Variants in CDH13 observed in about 807,000 individuals in gnomAD.
The protein encoded by CDH13 is cadherin 13.
A neutral mutation model predicts 63.8 loss-of-function variants in CDH13; 24 were observed. The ratio of observed to expected loss-of-function variants is 0.38; its 90% CI spans 0.27 to 0.53. The LOEUF is 0.53. Ranked by LOEUF, CDH13 falls within the 20% of genes least tolerant of loss-of-function variation. CDH13 has a pLI of 0.85. For missense variants in CDH13, 1,049 were observed against 903.1 expected, an observed-to-expected ratio of 1.16 and a Z score of -2.07; for synonymous variants, 503 against 355.3, an observed-to-expected ratio of 1.42 and a Z score of -4.67.
In CDH13 at chr16:82,627,337, C is replaced by CGTGCGTGTGTGTGTGTGTGT. The variant is rs1555525839; in HGVS notation, c.45+203_45+204insCGTGTGTGTGTGTGTGTGTG. On this transcript the variant is annotated intron_variant, in intron 1 of 13. Transcript: ENST00000567109. ...ACACACAGGCTCCCACTCTGGCGTGCGTGTGTGTGTGTGTGTGTGTGTGTG... is the reference window on the plus strand; with the variant it reads ...ACACACAGGCTCCCACTCTGGCGTGCGTGCGTGTGTGTGTGTGTGTGTGTGTGTGTGTGTGTGTGTGTGTG... 5.2e-3 allele frequency among the ~76,000 whole-genome samples: 683 copies of CGTGCGTGTGTGTGTGTGTGT among 131,226 alleles called. 12 individuals are homozygous for CGTGCGTGTGTGTGTGTGTGT. The highest frequency in any genetic ancestry group is 6.7e-3 in the Non-Finnish European group (409 of 61,040). 86.1% of individuals were successfully genotyped at this position (131,226 alleles called of 152,430 possible).
chr16:83,479,488 C>G (rs553801776), intron 6 of CDH13, among the ~76,000 whole-genome samples: 173 of 152,276 alleles, frequency 1.1e-3, no homozygotes, highest in African/African-American at 3.9e-3. Context: ...AACCCCATCT[C>G]TACTAAAAAT....
chr16:83,232,467 G>C (rs1251762510), intron 5 of CDH13, among the ~76,000 whole-genome samples: 2 of 151,446 alleles, frequency 1.3e-5, no homozygotes, highest in Non-Finnish European at 2.9e-5. Context: ...AGAAGTTGCA[G>C]TGAGCCAAGA....
chr16:82,719,039 C>G (rs578199502), intron 1 of CDH13, among the ~76,000 whole-genome samples: 2 of 152,186 alleles, frequency 1.3e-5, no homozygotes, highest in Non-Finnish European at 2.9e-5. Flanking sequence ...ATCCTTCACA[C>G]TGAGGTCAAT....
rs115248149 is a variant in CDH13 at position 83,451,542 on chromosome 16, C to T, written c.782-34935C>T. Among the ~76,000 whole-genome samples, 1,298 of 152,256 alleles carry T rather than the reference C, an allele frequency of 8.5e-3. 24 individuals carry two copies. Among genetic ancestry groups the T allele is most frequent in the African/African-American group, 0.03 (1,258 of 41,534 alleles). On this transcript the variant is annotated intron_variant, in intron 6 of 13. Transcript: ENST00000567109. ...TGTTTTTGTTTTTGCTTTTTTGAGACAGGCTCTTCCGCTGTCATCCAGGCT... is the reference window on the plus strand; with the variant it reads ...TGTTTTTGTTTTTGCTTTTTTGAGATAGGCTCTTCCGCTGTCATCCAGGCT...
chr16:82,707,694 G>T (rs1016368662), intron 1 of CDH13, among the ~76,000 whole-genome samples: 1 of 152,122 alleles, frequency 6.6e-6, no homozygotes, highest in Non-Finnish European at 1.5e-5. Flanking sequence ...CCCTCTTTAA[G>T]CTTGATGTCT....
chr16:82,792,812 C>G (rs2036385094), intron 1 of CDH13, among the ~76,000 whole-genome samples: 1 of 152,238 alleles, frequency 6.6e-6, no homozygotes. Context: ...CAATGCCCAA[C>G]TGCATCCAGG....
chr16:83,741,426 C>T (rs1243235413), intron 10 of CDH13, among the ~76,000 whole-genome samples: 1 of 151,666 alleles, frequency 6.6e-6, no homozygotes, highest in Non-Finnish European at 1.5e-5. Flanking sequence ...CCTCTCCTTT[C>T]GTAGTTTTTA....
intron 2 of CDH13, among the ~76,000 whole-genome samples, chr16:82,975,710 A>C (rs1417683746): frequency 6.6e-6 from 1 of 152,188 alleles, no homozygotes; most frequent in East Asian, 1.9e-4. Context: ...TCCATTGCTG[A>C]CCTTGCTCTT....
chr16:83,477,294 T>G (rs2073630113), intron 6 of CDH13, among the ~76,000 whole-genome samples: 1 of 152,216 alleles, frequency 6.6e-6, no homozygotes, highest in Non-Finnish European at 1.5e-5. Flanking sequence ...AATTTGTACT[T>G]AAAAAACCAA....
At chr16:83,733,530 T>C (rs1395082100) in intron 10 of CDH13, among the ~76,000 whole-genome samples, 1 of 152,174 alleles carries the variant, frequency 6.6e-6, no homozygotes. Context: ...TTCACTGAGC[T>C]TCAAGTCATA....
Position 83,667,931 on chromosome 16 carries a change from A to G in CDH13, c.1102-2859A>G, listed in dbSNP as rs577371797. On this transcript the variant is annotated intron_variant, in intron 8 of 13. Transcript: ENST00000567109. ...TCCCACCTCAGCCTCCCAAAGAGCT[A>G]GGATTACAGTGTTAGAATACCATGC... Among the ~76,000 whole-genome samples the G allele has an allele frequency of 1.2e-4, 18 of 152,214 alleles. No individual in the cohort carries two copies. In the South Asian group the frequency reaches 3.5e-3, roughly 30 times the overall value.
At chr16:83,423,571 T>A (rs1409156043) in intron 6 of CDH13, among the ~76,000 whole-genome samples, 2 of 152,134 alleles carry the variant, frequency 1.3e-5, no homozygotes, top group African/African-American at 2.4e-5. Context: ...TTATAACTGA[T>A]TTTCAGGTTT....
chr16:83,143,400 A>T (rs1251982717), intron 4 of CDH13, among the ~76,000 whole-genome samples: 1 of 152,212 alleles, frequency 6.6e-6, no homozygotes, highest in Admixed American at 6.5e-5. Context: ...AAAACTCATT[A>T]TGTAACATAT....
chr16:83,760,823 T>G (rs1177024322), intron 11 of CDH13, among the ~76,000 whole-genome samples: 1 of 152,248 alleles, frequency 6.6e-6, no homozygotes, highest in Non-Finnish European at 1.5e-5. Flanking sequence ...TAGCTAGTCC[T>G]GTAACCATTC....
chr16:83,406,754 C>A (rs537354243), intron 6 of CDH13, among the ~76,000 whole-genome samples: 1 of 152,288 alleles, frequency 6.6e-6, no homozygotes, highest in South Asian at 2.1e-4. Flanking sequence ...GTGTGAGCTA[C>A]CACACCCAGC....
chr16:83,674,333 A>G (rs1445792846), intron 9 of CDH13, among the ~76,000 whole-genome samples: 1 of 152,220 alleles, frequency 6.6e-6, no homozygotes, highest in East Asian at 1.9e-4. Flanking sequence ...CCAAAGCCCC[A>G]GGCATCATAT....
At chr16:83,109,115 T>C (rs1199350276) in intron 3 of CDH13, among the ~76,000 whole-genome samples, 1 of 152,150 alleles carries the variant, frequency 6.6e-6, no homozygotes, top group Non-Finnish European at 1.5e-5. Flanking sequence ...TACTATCCAG[T>C]GGGCTCATGT....
chr16:82,970,548 C>T lies in CDH13; in HGVS notation c.158-61462C>T, dbSNP rs374297367. Among the ~76,000 whole-genome samples the T allele has an allele frequency of 2.0e-3, 272 of 138,734 alleles. 16 individuals carry two copies. The highest frequency in any genetic ancestry group is 6.5e-3 in the African/African-American group (258 of 39,722). The allele number at this position is 138,734 out of a possible 152,430, so 91.0% of individuals were successfully genotyped here. ...CCGAGTAGCTGGGACTACAGGCGCC[C>T]GCCACCGCGCCCGGCTAATTTTTTG... On this transcript the variant is annotated intron_variant, in intron 2 of 13. Coordinates refer to ENST00000567109, the MANE Select transcript of CDH13 (RefSeq NM_001257.5).
At chr16:83,450,978 A>G (rs1384814473) in intron 6 of CDH13, among the ~76,000 whole-genome samples, 1 of 152,150 alleles carries the variant, frequency 6.6e-6, no homozygotes, top group Non-Finnish European at 1.5e-5. Context: ...CATATGGCTG[A>G]GCCGCACCCC....
Sources: gnomAD v4.1 joint callset for allele counts (sites outside exome capture counted in the v4.1 genomes callset) on GRCh38, gnomAD v4.1.1 for gene constraint, MANE v1.5 for transcripts, NCBI Gene and HGNC (gene_info 2026-07-23, HGNC 2026-07-21) for gene names.